Variants in FRMD5 observed in about 807,000 individuals in gnomAD.
The protein encoded by FRMD5 is FERM domain containing 5, also known as FERM domain-containing protein 5.
Under a neutral mutation model 69.0 loss-of-function variants are expected in FRMD5, and 20 were observed. The observed-to-expected ratio is 0.29, with a 90% CI of 0.20 to 0.42. The LOEUF is 0.42. Among genes scored for constraint, FRMD5 ranks in the 10% least tolerant of loss-of-function variants. The pLI is 1.00. For missense variants in FRMD5, 595 were observed against 708.6 expected, an observed-to-expected ratio of 0.84 and a Z score of 1.82; for synonymous variants, 271 against 260.1, an observed-to-expected ratio of 1.04 and a Z score of -0.40.
At chr15:43,989,852 T>G in intron 1 of FRMD5, 1 of 1,024,360 alleles carries the variant, frequency 9.8e-7, no homozygotes. Context: ...GCCTTGGGGC[T>G]CAGGGGGACC....
At chr15:43,875,190 C>T (rs1386620368) in intron 13 of FRMD5, among the ~76,000 whole-genome samples, 1 of 151,826 alleles carries the variant, frequency 6.6e-6, no homozygotes, top group Non-Finnish European at 1.5e-5. Context: ...GAGCAAGACT[C>T]TGCCTCGGGG....
chr15:44,095,964 T>G (rs1398999166), intron 1 of FRMD5, among the ~76,000 whole-genome samples: 1 of 152,114 alleles, frequency 6.6e-6, no homozygotes, highest in Non-Finnish European at 1.5e-5. Flanking sequence ...CCCAATACTT[T>G]GGGAGGCTGA....
intron 1 of FRMD5, among the ~76,000 whole-genome samples, chr15:44,031,660 T>C (rs917011378): frequency 6.6e-6 from 1 of 152,120 alleles, no homozygotes; most frequent in African/African-American, 2.4e-5. Flanking sequence ...TTTCAACATA[T>C]GAATTTTGCA....
At chr15:44,180,650 T>C (rs1566989154) in intron 1 of FRMD5, among the ~76,000 whole-genome samples, 1 of 152,056 alleles carries the variant, frequency 6.6e-6, no homozygotes, top group Non-Finnish European at 1.5e-5. Flanking sequence ...CCAGGCGTGG[T>C]GGTGGGCACC....
At chr15:44,052,555 T>C (rs2140351385) in intron 1 of FRMD5, among the ~76,000 whole-genome samples, 1 of 152,242 alleles carries the variant, frequency 6.6e-6, no homozygotes, top group South Asian at 2.1e-4. Flanking sequence ...TTTGTTTCCA[T>C]TTCCAGAATC....
intron 6 of FRMD5, 52 bp from the exon 7 acceptor site, chr15:43,902,314 C>T (rs1394997009): frequency 2.8e-6 from 4 of 1,421,686 alleles, no homozygotes; most frequent in South Asian, 2.3e-5. Context: ...CCACAGGTTC[C>T]CCTGAGGTAA....
At chr15:44,014,140 T>C (rs1890849830) in intron 1 of FRMD5, among the ~76,000 whole-genome samples, 1 of 152,130 alleles carries the variant, frequency 6.6e-6, no homozygotes, top group Non-Finnish European at 1.5e-5. Context: ...AATCCTGTCA[T>C]CATTTGTTCA....
intron 7 of FRMD5, among the ~76,000 whole-genome samples, chr15:43,892,851 C>T (rs531773755): frequency 4.6e-5 from 7 of 152,312 alleles, no homozygotes; most frequent in Non-Finnish European, 8.8e-5. Flanking sequence ...TGCTTATAAT[C>T]CCAGCACTTT....
intron 1 of FRMD5, among the ~76,000 whole-genome samples, chr15:43,996,924 G>A (rs949864661): frequency 2.0e-5 from 3 of 151,924 alleles, no homozygotes; most frequent in African/African-American, 7.3e-5. Flanking sequence ...GTCAACCTTG[G>A]CTATATATTA....
chr15:44,143,000 G>C (rs1254396659), intron 1 of FRMD5, among the ~76,000 whole-genome samples: 1 of 152,002 alleles, frequency 6.6e-6, no homozygotes, highest in Non-Finnish European at 1.5e-5. Context: ...TGAGGCAGGA[G>C]AATCGCTGGA....
intron 1 of FRMD5, among the ~76,000 whole-genome samples, chr15:44,019,719 G>A (rs1388892557): frequency 1.8e-5 from 2 of 111,112 alleles, no homozygotes; most frequent in Non-Finnish European, 3.3e-5. Context: ...CCTGGGCAAT[G>A]AGAGCAAGAG....
chr15:44,132,822 A>G (rs2077122503), intron 1 of FRMD5, among the ~76,000 whole-genome samples: 1 of 151,594 alleles, frequency 6.6e-6, no homozygotes, highest in Non-Finnish European at 1.5e-5. Flanking sequence ...CAGTGACACA[A>G]TCTTGGCTCA....
intron 1 of FRMD5, among the ~76,000 whole-genome samples, chr15:44,001,706 A>C (rs1359263648): frequency 6.6e-6 from 1 of 151,798 alleles, no homozygotes; most frequent in East Asian, 1.9e-4. Flanking sequence ...TCCCACACTC[A>C]AGTGATCCTC....
At position 44,114,508 on chromosome 15, in the gene FRMD5, T is replaced by G. The variant is rs74801876; in HGVS notation, c.102+80445A>C. The stretch of plus-strand genomic sequence containing the variant: ...GTAGGTAGAAGGCCAGCATTTCTTC[T>G]GACTTCTCTATTGACTCCTCTTTCT... On this transcript the variant is annotated intron_variant, in intron 1 of 13. Transcript: ENST00000417257. Among the ~76,000 whole-genome samples, 67 of 152,320 alleles carry G rather than the reference T, an allele frequency of 4.4e-4. No individual in the cohort carries two copies. In the East Asian group the frequency reaches 0.012, roughly 27 times the overall value.
chr15:44,100,072 A>G (rs1595462308), intron 1 of FRMD5, among the ~76,000 whole-genome samples: 1 of 122,088 alleles, frequency 8.2e-6, no homozygotes, highest in African/African-American at 3.2e-5. Context: ...TTTTTTTAAG[A>G]TGGAGTTTCG....
At chr15:44,133,309 G>A (rs930865359) in intron 1 of FRMD5, among the ~76,000 whole-genome samples, 5 of 151,946 alleles carry the variant, frequency 3.3e-5, no homozygotes, top group African/African-American at 4.8e-5. Context: ...GGGCACGGTG[G>A]CTCACATCTG....
intron 1 of FRMD5, among the ~76,000 whole-genome samples, chr15:44,103,841 G>A (rs1277311995): frequency 6.6e-6 from 1 of 152,182 alleles, no homozygotes; most frequent in Non-Finnish European, 1.5e-5. Flanking sequence ...CTAAAAGGAA[G>A]CTGAAAATTC....
At chr15:43,895,947 T>C (rs1474308602) in intron 7 of FRMD5, among the ~76,000 whole-genome samples, 2 of 152,200 alleles carry the variant, frequency 1.3e-5, no homozygotes, top group Non-Finnish European at 2.9e-5. Flanking sequence ...AAATAACAAG[T>C]TGCATGACAA....
intron 1 of FRMD5, among the ~76,000 whole-genome samples, chr15:44,182,135 C>A (rs930397458): frequency 2.0e-5 from 3 of 151,318 alleles, no homozygotes; most frequent in African/African-American, 4.9e-5. Context: ...CTCAGCCTCC[C>A]GAGTAGCTGG....
Sources: gnomAD v4.1 joint callset for allele counts (sites outside exome capture counted in the v4.1 genomes callset) on GRCh38, gnomAD v4.1.1 for gene constraint, MANE v1.5 for transcripts, NCBI Gene and HGNC (gene_info 2026-07-23, HGNC 2026-07-21) for gene names.